The following FHIT variants were observed in gnomAD, a reference collection of about 807,000 sequenced individuals.
FHIT encodes the protein bis(5'-adenosyl)-triphosphatase.
A neutral mutation model predicts 17.9 loss-of-function variants in FHIT; 19 were observed. The observed-to-expected ratio is 1.06, with a 90% confidence interval of 0.74 to 1.56. The LOEUF is 1.56. Among genes scored for constraint, FHIT ranks in the 40% most tolerant of loss-of-function variants. FHIT has a pLI of 0.00. For missense variants in FHIT, 248 were observed against 189.2 expected, an observed-to-expected ratio of 1.31 and a Z score of -1.82; for synonymous variants, 81 against 69.7, an observed-to-expected ratio of 1.16 and a Z score of -0.81.
At chr3:60,461,912 C>A (rs1224832720) in intron 5 of FHIT, among the ~76,000 whole-genome samples, 2 of 152,196 alleles carry the variant, frequency 1.3e-5, no homozygotes, top group Non-Finnish European at 2.9e-5. Context: ...CCCCGCCCCC[C>A]TTTAAGCCAG....
chr3:60,328,616 T>C (rs1410208143), intron 5 of FHIT, among the ~76,000 whole-genome samples: 2 of 152,128 alleles, frequency 1.3e-5, no homozygotes, highest in Admixed American at 1.3e-4. Context: ...AATTACAGGA[T>C]AGATTTGGGG....
intron 4 of FHIT, among the ~76,000 whole-genome samples, chr3:60,705,942 C>T (rs1346337718): frequency 1.3e-5 from 2 of 152,126 alleles, no homozygotes. Flanking sequence ...TTTTTTGTTA[C>T]AGCCTTCTCA....
chr3:59,814,911 T>G (rs983033975), intron 8 of FHIT, among the ~76,000 whole-genome samples: 6 of 152,220 alleles, frequency 3.9e-5, no homozygotes, highest in Non-Finnish European at 8.8e-5. Context: ...ATCATTGCAC[T>G]GCAGAGTGAA....
rs575396850 is a variant in FHIT at position 59,855,628 on chromosome 3, T to C, written c.348+66718A>G. ...ATGTTAATAAGGTGTCAATCTTAAG[T>C]ATACAAAAACTGAACAAAATAAGTT... On this transcript the variant is annotated intron_variant, in intron 8 of 9. Coordinates refer to ENST00000492590, the MANE Select transcript of FHIT (RefSeq NM_002012.4). Among the ~76,000 whole-genome samples, 46 of 152,122 alleles carry C rather than the reference T, an allele frequency of 3.0e-4. 1 individual carries two copies. The South Asian group carries it at 9.6e-3, about 32-fold the overall frequency.
chr3:59,768,344 C>G (rs1020423577), intron 8 of FHIT, among the ~76,000 whole-genome samples: 1 of 152,192 alleles, frequency 6.6e-6, no homozygotes. Flanking sequence ...CTGCATCTCT[C>G]AACCCTTTGT....
At chr3:60,441,680 T>C (rs2030813491) in intron 5 of FHIT, among the ~76,000 whole-genome samples, 1 of 141,320 alleles carries the variant, frequency 7.1e-6, no homozygotes, top group South Asian at 2.3e-4. Context: ...GAAGAATTGA[T>C]ATTTGATGCA....
intron 7 of FHIT, among the ~76,000 whole-genome samples, chr3:59,973,985 G>GA (rs5849314): frequency 0.43 from 63,803 of 148,396 alleles, 14,595 homozygotes; most frequent in Middle Eastern, 0.54. Context: ...ATAAAGAAAA[G>GA]AAAAAAAAAA....
In FHIT at chr3:60,252,761, C is replaced by G. The variant is rs566119945; in HGVS notation, c.104-238609G>C. On this transcript the variant is annotated intron_variant, in intron 5 of 9. Coordinates refer to ENST00000492590, the MANE Select transcript of FHIT (RefSeq NM_002012.4). Reference sequence around the variant, plus strand: ...ATCCCAGCACTTTGGGAGGCCGAGGCCGGTGGATCACTAGGTCAGAAGATC... The same window carrying G: ...ATCCCAGCACTTTGGGAGGCCGAGGGCGGTGGATCACTAGGTCAGAAGATC... Among the ~76,000 whole-genome samples, 29 of 151,966 alleles carry G rather than the reference C, an allele frequency of 1.9e-4. 1 individual carries two copies. In the South Asian group the frequency reaches 5.6e-3, roughly 29 times the overall value.
intron 4 of FHIT, among the ~76,000 whole-genome samples, chr3:60,551,353 G>C (rs946577229): frequency 5.5e-5 from 8 of 145,642 alleles, no homozygotes; most frequent in Non-Finnish European, 1.2e-4. Context: ...CAGGACGCCT[G>C]GTGTGGTGGC....
chr3:59,904,930 T>C (rs1473228606), intron 8 of FHIT, among the ~76,000 whole-genome samples: 1 of 152,098 alleles, frequency 6.6e-6, no homozygotes, highest in Non-Finnish European at 1.5e-5. Flanking sequence ...GGCACAACAG[T>C]GTAGAAAACC....
chr3:60,998,701 T>C (rs1049286776), intron 3 of FHIT, among the ~76,000 whole-genome samples: 4 of 152,122 alleles, frequency 2.6e-5, no homozygotes, highest in Non-Finnish European at 5.9e-5. Flanking sequence ...AAACTCTCCA[T>C]AGGAATAGTA....
At position 60,230,931 on chromosome 3, in the gene FHIT, G is replaced by C. The variant is rs527997955; in HGVS notation, c.104-216779C>G. Among the ~76,000 whole-genome samples, 4 of 152,290 alleles carry C rather than the reference G, an allele frequency of 2.6e-5. No homozygotes were observed. The South Asian group carries it at 6.2e-4, about 24-fold the overall frequency. Reference sequence around the variant, plus strand: ...TCGCCATGTTGGCCAGGCTGGTCTTGAACTTTTGGCCTCAAGTGATCTGCC... The same window carrying C: ...TCGCCATGTTGGCCAGGCTGGTCTTCAACTTTTGGCCTCAAGTGATCTGCC... On this transcript the variant is annotated intron_variant, in intron 5 of 9. Transcript: ENST00000492590.
At chr3:60,089,087 C>A (rs115673062) in intron 5 of FHIT, among the ~76,000 whole-genome samples, 27 of 152,166 alleles carry the variant, frequency 1.8e-4, no homozygotes, top group African/African-American at 6.5e-4. Context: ...GAGACATAGT[C>A]TCTTGTTTGG....
intron 5 of FHIT, among the ~76,000 whole-genome samples, chr3:60,364,910 T>G (rs572828837): frequency 6.6e-6 from 1 of 152,146 alleles, no homozygotes; most frequent in Non-Finnish European, 1.5e-5. Flanking sequence ...TTCTTGGACC[T>G]TGGGCCTAAT....
chr3:60,096,856 G>A (rs1287209024), intron 5 of FHIT, among the ~76,000 whole-genome samples: 1 of 152,006 alleles, frequency 6.6e-6, no homozygotes, highest in African/African-American at 2.4e-5. Context: ...GGGGCAGGAG[G>A]ATGCAAGAGG....
chr3:60,150,924 A>T (rs1700437542), intron 5 of FHIT, among the ~76,000 whole-genome samples: 1 of 152,120 alleles, frequency 6.6e-6, no homozygotes. Context: ...GCCTCAAAAA[A>T]AAAAAAAGGA....
chr3:61,171,199 G>C (rs2037993489), intron 2 of FHIT, among the ~76,000 whole-genome samples: 1 of 152,192 alleles, frequency 6.6e-6, no homozygotes, highest in South Asian at 2.1e-4. Context: ...TTTCTCTAAT[G>C]ATCAGTGATG....
chr3:60,116,935 C>A lies in FHIT; in HGVS notation c.104-102783G>T, dbSNP rs140013306. ...ACAATCTCCCCTCTAGAAAAAGTTA[C>A]GGAAATATTGTACAAAATGCACCAT... On this transcript the variant is annotated intron_variant, in intron 5 of 9. Transcript: ENST00000492590. Among the ~76,000 whole-genome samples the A allele has an allele frequency of 2.6e-3, 395 of 151,952 alleles. 1 individual carries two copies. Among genetic ancestry groups the A allele is most frequent in the African/African-American group, 8.8e-3 (364 of 41,426 alleles).
At chr3:60,096,593 C>A (rs570855848) in intron 5 of FHIT, among the ~76,000 whole-genome samples, 1 of 152,242 alleles carries the variant, frequency 6.6e-6, no homozygotes, top group South Asian at 2.1e-4. Context: ...TATTTGGCTG[C>A]CTCCTACTGT....
Sources: gnomAD v4.1 joint callset for allele counts (sites outside exome capture counted in the v4.1 genomes callset) on GRCh38, gnomAD v4.1.1 for gene constraint, MANE v1.5 for transcripts, NCBI Gene and HGNC (gene_info 2026-07-23, HGNC 2026-07-21) for gene names.